Variants in ZNF473 observed in about 807,000 individuals in gnomAD.
ZNF473 encodes the protein zinc finger protein 100 homolog.
A neutral mutation model predicts 11.1 loss-of-function variants in ZNF473; 4 were observed. The ratio of observed to expected loss-of-function variants is 0.36; its 90% CI spans 0.18 to 0.82. ZNF473 has a LOEUF of 0.82. ZNF473 is among the 40% of genes least tolerant of loss of function. ZNF473 has a pLI of 0.49. For missense variants in ZNF473, 854 were observed against 1,084.0 expected, an observed-to-expected ratio of 0.79 and a Z score of 2.98; for synonymous variants, 404 against 390.4, an observed-to-expected ratio of 1.03 and a Z score of -0.41.
In ZNF473 at chr19:50,048,081, T is replaced by C. The variant is rs1307194260; in HGVS notation, c.*1022T>C. On this transcript the variant is annotated 3_prime_UTR_variant, in exon 5 of 5. Transcript: ENST00000270617. ...ATCCATACACTATGCACTACTGCTC[T>C]GAAGCTTCTGGAATCAGAAATGAAC... The C allele has an allele frequency of 3.3e-5, 5 of 151,548 alleles. No individual in the cohort carries two copies. The highest frequency in any genetic ancestry group is 7.3e-5 in the Non-Finnish European group (5 of 68,048). The allele number at this position is 151,548 out of a possible 1,614,324, so 9.4% of individuals were successfully genotyped here. A position where few individuals can be genotyped will look rare whatever the true frequency, so the allele number is the denominator to read the frequency against.
chr19:50,030,970 G>C lies in ZNF473; in HGVS notation c.-113G>C. 6.8e-7 allele frequency: 1 copy of C among 1,473,460 alleles called. No homozygotes were observed. Among genetic ancestry groups the C allele is most frequent in the Admixed American group, 2.0e-5 (1 of 50,864 alleles). The allele number at this position is 1,473,460 out of a possible 1,614,324, so 91.3% of individuals were successfully genotyped here. A position where few individuals can be genotyped will look rare whatever the true frequency, so the allele number is the denominator to read the frequency against. ...CAGCATGGACAGCGAGTCAGCCATG[G>C]GTGGAAGGGAGGCTTTCTCACAGCT... On this transcript the variant is annotated 5_prime_UTR_variant, in exon 2 of 5. Transcript: ENST00000270617.
In ZNF473 at chr19:50,045,784, T is replaced by C. The variant is rs1304240703; in HGVS notation, c.1341T>C (p.Asn447=). The change falls in exon 5 of 5, where the codon AAT becomes AAC. Residue 447 remains asparagine, a synonymous_variant. Transcript: ENST00000270617. ...CCTTCCACCGGCACACTCACCTTAA[T>C]GAACATCGGCGAATTCATACAGGCT... is the stretch of plus-strand genomic sequence containing the variant. The part of the protein sequence containing the change: ...GKAFHRHTHL[N]EHRRIHTGYR... The C allele has an allele frequency of 4.3e-6, 7 of 1,614,122 alleles. No individual in the cohort carries two copies. The highest frequency in any genetic ancestry group is 5.9e-6 in the Non-Finnish European group (7 of 1,180,020).
chr19:50,029,647 A>G (rs2122798699), intron 1 of ZNF473, among the ~76,000 whole-genome samples: 1 of 152,388 alleles, frequency 6.6e-6, no homozygotes, highest in South Asian at 2.1e-4. Context: ...CGCAGTGGAT[A>G]CAAATGGGTA....
At chr19:50,043,112 G>A (rs1333009939) in intron 4 of ZNF473, 3 of 152,112 alleles carry the variant, frequency 2.0e-5, no homozygotes, top group Non-Finnish European at 4.4e-5. Context: ...GTTTTGTGAA[G>A]GATCCCAGAG....
chr19:50,037,548 C>T (rs187701068), intron 2 of ZNF473, among the ~76,000 whole-genome samples: 9 of 152,076 alleles, frequency 5.9e-5, no homozygotes, highest in Admixed American at 2.6e-4. Context: ...TGTCCAGGTA[C>T]AGTGGCTCAT....
chr19:50,045,209 C>A lies in ZNF473; in HGVS notation c.766C>A (p.Pro256Thr). Residue 256 changes from proline (P) to threonine (T), a missense_variant, in exon 5 of 5, where the codon CCG becomes ACG. This residue lies in a region of ZNF473 where 668 missense variants were observed against 790.2 expected (regional missense o/e 0.85). Transcript: ENST00000270617. ...CCGGAATGCTTCCCTTTCTGTGTATCCGAAAACTCACACGGGCTACAAATT... is the reference window on the plus strand; with the variant it reads ...CCGGAATGCTTCCCTTTCTGTGTATACGAAAACTCACACGGGCTACAAATT... ...FDRNASLSVY[P>T]KTHTGYKFYV... The A allele has an allele frequency of 6.2e-7, 1 of 1,614,164 alleles. No homozygotes were observed. The highest frequency in any genetic ancestry group is 8.5e-7 in the Non-Finnish European group (1 of 1,180,032).
intron 2 of ZNF473, among the ~76,000 whole-genome samples, chr19:50,033,688 G>T (rs1284164217): frequency 6.6e-6 from 1 of 152,180 alleles, no homozygotes; most frequent in Non-Finnish European, 1.5e-5. Flanking sequence ...TCAAACCAAG[G>T]TGTCAGCAGG....
chr19:50,030,111 A>G (rs931440696), intron 1 of ZNF473, among the ~76,000 whole-genome samples: 6 of 152,108 alleles, frequency 3.9e-5, no homozygotes, highest in African/African-American at 1.4e-4. Context: ...TCGGCCTCCC[A>G]AAGTACTGAG....
intron 3 of ZNF473, chr19:50,041,458 A>G (rs556274703): frequency 7.9e-5 from 21 of 267,040 alleles, no homozygotes; most frequent in Middle Eastern, 1.1e-3. Context: ...CTGCCCATTA[A>G]AGAGCTGTCA....
chr19:50,045,114 T>G lies in ZNF473; in HGVS notation c.671T>G (p.Leu224Arg). The G allele has an allele frequency of 6.2e-7, 1 of 1,614,202 alleles. No homozygotes were observed. The highest frequency in any genetic ancestry group is 1.6e-4 in the Middle Eastern group (1 of 6,062). ...AAAAGCTTCAGTGGGAGTTACCGTC[T>G]TACCCAGCACTGGATCACTCATACT... ...CGKSFSGSYR[L>R]TQHWITHTRE... The change falls in exon 5 of 5, where the codon CTT (leucine) becomes CGT (arginine). Residue 224 changes from leucine to arginine, a missense_variant. By Grantham distance (102) the Leu-to-Arg change is moderately radical (BLOSUM62 -2). Transcript: ENST00000270617.
At chr19:50,034,321 C>T (rs2077333754) in intron 2 of ZNF473, among the ~76,000 whole-genome samples, 1 of 152,218 alleles carries the variant, frequency 6.6e-6, no homozygotes, top group South Asian at 2.1e-4. Context: ...TTTCCTTTGA[C>T]TCCCTGCTTC....
intron 2 of ZNF473, among the ~76,000 whole-genome samples, chr19:50,032,767 G>A (rs922078270): frequency 2.0e-5 from 3 of 152,142 alleles, no homozygotes; most frequent in Non-Finnish European, 4.4e-5. Flanking sequence ...TCCTTCTGAG[G>A]CTGTGAGCCA....
At chr19:50,043,653 G>C (rs1052437386) in intron 4 of ZNF473, among the ~76,000 whole-genome samples, 1 of 152,130 alleles carries the variant, frequency 6.6e-6, no homozygotes, top group South Asian at 2.1e-4. Context: ...GGCCGCCTCT[G>C]TGGCAGTGGA....
intron 1 of ZNF473, among the ~76,000 whole-genome samples, chr19:50,027,732 G>A (rs542728977): frequency 4.0e-5 from 6 of 151,816 alleles, no homozygotes; most frequent in African/African-American, 1.2e-4. Context: ...ACAGAGTCTC[G>A]CTCTGTCACC....
At chr19:50,043,655 GGCAGTGGATGGATGA>G (rs1029036047) in intron 4 of ZNF473, among the ~76,000 whole-genome samples, 9 of 151,970 alleles carry the variant, frequency 5.9e-5, no homozygotes, top group Non-Finnish European at 2.9e-5. Context: ...CCGCCTCTGT[GGCAGTGGATGGATGA>G]GCAGTGGAAG....
chr19:50,027,089 G>C (rs980445573), intron 1 of ZNF473, among the ~76,000 whole-genome samples: 1 of 152,052 alleles, frequency 6.6e-6, no homozygotes, highest in African/African-American at 2.4e-5. Flanking sequence ...GGTCCCCTTG[G>C]CACCAAGGCA....
chr19:50,044,876 A>G lies in ZNF473; in HGVS notation c.433A>G (p.Thr145Ala). 6.2e-7 allele frequency: 1 copy of G among 1,614,234 alleles called. No homozygotes were observed. The highest frequency in any genetic ancestry group is 8.5e-7 in the Non-Finnish European group (1 of 1,180,044). Residue 145 changes from threonine to alanine, a missense_variant, in exon 5 of 5, where the codon ACG (threonine) becomes GCG (alanine). This residue lies in a region of ZNF473 where 668 missense variants were observed against 790.2 expected (regional missense o/e 0.85). Coordinates refer to ENST00000270617, the MANE Select transcript of ZNF473 (RefSeq NM_015428.4). ...SDIATNGESP[T>A]ECKSHELKRG... Reference sequence around the variant, plus strand: ...TATTGCCACCAACGGGGAAAGTCCCACGGAATGCAAGAGTCATGAATTAAA... The same window carrying G: ...TATTGCCACCAACGGGGAAAGTCCCGCGGAATGCAAGAGTCATGAATTAAA...
rs749497347 is a variant in ZNF473 at position 50,045,390 on chromosome 19, A to G, written c.947A>G (p.Asp316Gly). 1.3e-5 allele frequency: 21 copies of G among 1,614,076 alleles called. No individual in the cohort carries two copies. The South Asian group carries it at 1.6e-4, about 13-fold the overall frequency. Residue 316 changes from aspartate (D) to glycine (G), a missense_variant, in exon 5 of 5, where the codon GAT (aspartate) becomes GGT (glycine). Coordinates refer to ENST00000270617, the MANE Select transcript of ZNF473 (RefSeq NM_015428.4). ...QPGEHQKTHT[D>G]SKSYNCNECG... ...GGTGAGCATCAGAAAACTCACACAG[A>G]TAGTAAGTCCTACAACTGTAACGAA...
At chr19:50,044,469 G>A (rs993727114) in intron 4 of ZNF473, among the ~76,000 whole-genome samples, 3 of 152,136 alleles carry the variant, frequency 2.0e-5, no homozygotes, top group African/African-American at 7.2e-5. Context: ...CTCCCTCCTC[G>A]TTGAACCCTA....
Sources: allele counts gnomAD v4.1 joint callset (sites outside exome capture counted in the v4.1 genomes callset), GRCh38; gene constraint gnomAD v4.1.1; regional missense constraint gnomAD v4.1.1; transcripts MANE v1.5; gene names NCBI Gene and HGNC (gene_info 2026-07-23, HGNC 2026-07-21).